Variants in SLC8A1 observed in about 807,000 individuals in gnomAD.
The protein encoded by SLC8A1 is sodium/calcium exchanger 1.
SLC8A1 carries 18 observed loss-of-function variants against 68.3 expected under a neutral mutation model. That is an observed-to-expected ratio of 0.26 (90% CI 0.18 to 0.39). SLC8A1 has a LOEUF of 0.39. Ranked by LOEUF, SLC8A1 falls within the 10% of genes least tolerant of loss-of-function variation. The pLI, the probability that SLC8A1 is intolerant of heterozygous loss-of-function variation, is 1.00. For synonymous variants in SLC8A1, 475 were observed against 415.5 expected (o/e 1.14, Z -1.74); for missense variants, 985 against 1,156.7 (o/e 0.85, Z 2.15).
At chr2:40,326,902 G>A (rs915655721) in intron 2 of SLC8A1, among the ~76,000 whole-genome samples, 2 of 152,172 alleles carry the variant, frequency 1.3e-5, no homozygotes, top group African/African-American at 4.8e-5. Context: ...CAGAGGTATT[G>A]ATCCCAAGGT....
intron 2 of SLC8A1, among the ~76,000 whole-genome samples, chr2:40,231,044 G>T (rs1176768686): frequency 1.3e-5 from 2 of 152,140 alleles, no homozygotes; most frequent in Admixed American, 1.3e-4. Context: ...CCTCTCCTAG[G>T]CCTTGCTTGA....
chr2:40,271,200 A>G (rs1477511389), intron 2 of SLC8A1, among the ~76,000 whole-genome samples: 1 of 151,474 alleles, frequency 6.6e-6, no homozygotes, highest in Non-Finnish European at 1.5e-5. Context: ...AGAGCGTGAC[A>G]TGATCTGGCT....
intron 2 of SLC8A1, 140 bp downstream of exon 3, chr2:40,178,247 G>A: frequency 2.8e-6 from 2 of 705,178 alleles, no homozygotes; most frequent in Non-Finnish European, 5.0e-6. Context: ...TGCCTACTGT[G>A]GCTCAGCATG....
intron 2 of SLC8A1, among the ~76,000 whole-genome samples, chr2:40,224,440 G>C (rs150184459): frequency 1.3e-5 from 2 of 152,058 alleles, no homozygotes; most frequent in Non-Finnish European, 2.9e-5. Flanking sequence ...GAATACGAGG[G>C]AGATAACACA....
intron 2 of SLC8A1, among the ~76,000 whole-genome samples, chr2:40,239,577 A>G (rs556585780): frequency 1.3e-5 from 2 of 152,162 alleles, no homozygotes; most frequent in Non-Finnish European, 2.9e-5. Context: ...TCCTCCTCCC[A>G]TGCACAGTCA....
exon 2 of SLC8A1, chr2:40,429,719 A>T: frequency 6.2e-7 from 1 of 1,613,878 alleles, no homozygotes; most frequent in Non-Finnish European, 8.5e-7. Context: ...GGCACCACAT[A>T]AACACAGAGT....
intron 2 of SLC8A1, among the ~76,000 whole-genome samples, chr2:40,242,100 T>C (rs415695): frequency 0.18 from 26,811 of 151,970 alleles, 3,237 homozygotes; most frequent in African/African-American, 0.33. Context: ...TTATATAAAG[T>C]GGTAACGCCT....
intron 2 of SLC8A1, among the ~76,000 whole-genome samples, chr2:40,413,963 T>C (rs934015874): frequency 1.3e-5 from 2 of 152,146 alleles, no homozygotes; most frequent in African/African-American, 4.8e-5. Flanking sequence ...GAAAATTAAT[T>C]TGTTGAGCAT....
intron 4 of SLC8A1, among the ~76,000 whole-genome samples, chr2:40,166,478 T>TA (rs1013311878): frequency 6.5e-4 from 99 of 152,306 alleles, no homozygotes; most frequent in African/African-American, 2.3e-3. Context: ...AGTTGCAGAC[T>TA]AAAAATAAAT....
At chr2:40,381,756 C>G (rs1416961533) in intron 2 of SLC8A1, among the ~76,000 whole-genome samples, 1 of 151,202 alleles carries the variant, frequency 6.6e-6, no homozygotes, top group Non-Finnish European at 1.5e-5. Flanking sequence ...ACCATTGGGC[C>G]TCCTAGATAG....
At chr2:40,450,310 C>G (rs932091292) in intron 1 of SLC8A1, among the ~76,000 whole-genome samples, 2 of 151,646 alleles carry the variant, frequency 1.3e-5, no homozygotes, top group South Asian at 4.2e-4. Context: ...TTTTCTGACT[C>G]GCTGCAGGAG....
chr2:40,401,417 T>A (rs1688675731), intron 2 of SLC8A1, among the ~76,000 whole-genome samples: 3 of 147,336 alleles, frequency 2.0e-5, no homozygotes, highest in African/African-American at 8.2e-5. Context: ...CCTGTTTTTC[T>A]TCTATGCTAT....
chr2:40,180,786 C>T (rs1187442080), intron 2 of SLC8A1, among the ~76,000 whole-genome samples: 1 of 152,170 alleles, frequency 6.6e-6, no homozygotes, highest in Admixed American at 6.5e-5. Context: ...AAGTAAAGCA[C>T]AGTGGGGATG....
chr2:40,181,236 A>G (rs1038207367), intron 2 of SLC8A1, among the ~76,000 whole-genome samples: 1 of 152,210 alleles, frequency 6.6e-6, no homozygotes, highest in African/African-American at 2.4e-5. Flanking sequence ...CTGGGATTAC[A>G]GGGGTGAGCC....
intron 2 of SLC8A1, among the ~76,000 whole-genome samples, chr2:40,201,555 G>A (rs1188022167): frequency 6.6e-6 from 1 of 151,854 alleles, no homozygotes; most frequent in Non-Finnish European, 1.5e-5. Context: ...CACTTTCCCT[G>A]AATGACTACA....
rs78346460 is a variant in SLC8A1 at position 40,325,101 on chromosome 2, A to G, written c.1808+103372T>C. Among the ~76,000 whole-genome samples, 925 of 152,096 alleles carry G rather than the reference A, an allele frequency of 6.1e-3. 13 individuals are homozygous for G. The highest frequency in any genetic ancestry group is 0.021 in the African/African-American group (880 of 41,524). ...GAAGGCCCACTTCCTCCCCACAGAC[A>G]GAGTCTGTAGAGAAAAAAAAAAACT... On this transcript the variant is annotated intron_variant, in intron 2 of 7. Transcript: ENST00000406785.
intron 2 of SLC8A1, among the ~76,000 whole-genome samples, chr2:40,421,566 G>C (rs1695512097): frequency 1.3e-5 from 2 of 152,174 alleles, no homozygotes; most frequent in South Asian, 4.1e-4. Flanking sequence ...GAATTGCTAA[G>C]TATACTGCAA....
At chr2:40,355,555 C>T (rs1034488330) in intron 2 of SLC8A1, among the ~76,000 whole-genome samples, 1 of 152,026 alleles carries the variant, frequency 6.6e-6, no homozygotes, top group Non-Finnish European at 1.5e-5. Context: ...ATAATAGAGA[C>T]CTTGACATGA....
At chr2:40,430,195 T>C in exon 2 of SLC8A1, 1 of 1,613,738 alleles carries the variant, frequency 6.2e-7, no homozygotes, top group Non-Finnish European at 8.5e-7. Flanking sequence ...ATGGTCCACA[T>C]GGGAAAATAA....
Sources: allele counts gnomAD v4.1 joint callset (sites outside exome capture counted in the v4.1 genomes callset), GRCh38; gene constraint gnomAD v4.1.1; transcripts MANE v1.5; gene names NCBI Gene and HGNC (gene_info 2026-07-23, HGNC 2026-07-21).